Variants in PNPLA8 observed in about 807,000 individuals in gnomAD.
PNPLA8 encodes the protein patatin like domain 8, phospholipase A2.
PNPLA8 carries 39 observed loss-of-function variants against 76.9 expected under a neutral mutation model. That is an observed-to-expected ratio of 0.51 (90% CI 0.39 to 0.66). PNPLA8 has a LOEUF of 0.66. Ranked by LOEUF, PNPLA8 falls within the 30% of genes least tolerant of loss-of-function variation. The pLI is 0.00. For synonymous variants in PNPLA8, 301 were observed against 307.9 expected (o/e 0.98, Z 0.24); for missense variants, 887 against 918.0 (o/e 0.97, Z 0.44).
At chr7:108,511,491 G>A (rs1355305361) in intron 4 of PNPLA8, among the ~76,000 whole-genome samples, 3 of 152,144 alleles carry the variant, frequency 2.0e-5, no homozygotes, top group African/African-American at 7.2e-5. Context: ...TTAAATTCCA[G>A]TGTTCAGGAA....
rs1862850877 is a variant in PNPLA8, at chr7:108,510,667, T to C, written c.1206+3477A>G. The C allele has an allele frequency of 1.9e-6, 3 of 1,596,290 alleles. No individual in the cohort carries two copies. The Admixed American group carries it at 5.0e-5, about 27-fold the overall frequency. Reference sequence around the variant, plus strand: ...CATATATTGCATGGGGGTACCCCAATCTGAAGTCAGTAAATGAACTAATCT... The same window carrying C: ...CATATATTGCATGGGGGTACCCCAACCTGAAGTCAGTAAATGAACTAATCT... On this transcript the variant is annotated intron_variant, in intron 4 of 10. Coordinates refer to ENST00000257694, the MANE Select transcript of PNPLA8 (RefSeq NM_001256007.3).
At position 108,472,581 on chromosome 7, in the gene PNPLA8, T is replaced by A; in HGVS notation, c.2169A>T (p.Arg723=). The change falls in exon 11 of 11, where the codon CGA becomes CGT. Residue 723 remains arginine (R), a synonymous_variant. Coordinates refer to ENST00000257694, the MANE Select transcript of PNPLA8 (RefSeq NM_001256007.3). ...MCENIPLDES[R]NEKLDQLQLE... ...ACTGCAGCTGATCCAGCTTTTCATT[T>A]CGACTTTCATCTAGAGGTATGTTTT... The A allele has an allele frequency of 6.2e-7, 1 of 1,613,220 alleles. No individual in the cohort carries two copies. The highest frequency in any genetic ancestry group is 1.3e-5 in the African/African-American group (1 of 74,984).
At chr7:108,504,377 A>G (rs1862185894) in intron 4 of PNPLA8, among the ~76,000 whole-genome samples, 1 of 152,236 alleles carries the variant, frequency 6.6e-6, no homozygotes, top group Non-Finnish European at 1.5e-5. Context: ...AATTATCAAA[A>G]TATATCAGAT....
At chr7:108,510,327 T>C (rs1862819067) in intron 4 of PNPLA8, 12 of 1,586,680 alleles carry the variant, frequency 7.6e-6, no homozygotes, top group South Asian at 1.1e-5. Flanking sequence ...ATGAAGCGCC[T>C]GAGAAAGAAG....
chr7:108,506,335 A>G (rs1284399331), intron 4 of PNPLA8, among the ~76,000 whole-genome samples: 2 of 152,076 alleles, frequency 1.3e-5, no homozygotes, highest in African/African-American at 4.8e-5. Context: ...CCGAGATCGC[A>G]CCACTGCACT....
chr7:108,497,635 G>T (rs1861640787), intron 5 of PNPLA8, 58 bp from the exon 6 acceptor site: 1 of 946,984 alleles, frequency 1.1e-6, no homozygotes, highest in South Asian at 1.9e-5. Flanking sequence ...AATAATTTAA[G>T]CTGTTGAATA....
At chr7:108,475,724 A>G (rs1176651092) in intron 10 of PNPLA8, among the ~76,000 whole-genome samples, 1 of 152,078 alleles carries the variant, frequency 6.6e-6, no homozygotes. Flanking sequence ...TTCTGGTGCT[A>G]TAGAATAGAA....
chr7:108,525,535 A>G (rs1236377720), intron 1 of PNPLA8, among the ~76,000 whole-genome samples: 1 of 152,218 alleles, frequency 6.6e-6, no homozygotes, highest in Non-Finnish European at 1.5e-5. Context: ...CACTTAAGCA[A>G]CAGCGGTCAA....
At chr7:108,472,967 T>C (rs1180290298) in intron 10 of PNPLA8, among the ~76,000 whole-genome samples, 3 of 152,186 alleles carry the variant, frequency 2.0e-5, no homozygotes, top group African/African-American at 7.2e-5. Flanking sequence ...TTTCCAACTT[T>C]CCTTTTTTTT....
Position 108,479,243 on chromosome 7 carries a change from G to T in PNPLA8, c.2015C>A (p.Thr672Lys). The T allele has an allele frequency of 6.2e-7, 1 of 1,613,466 alleles. No individual in the cohort carries two copies. Among genetic ancestry groups the T allele is most frequent in the South Asian group, 1.1e-5 (1 of 91,064 alleles). Residue 672 changes from threonine to lysine, a missense_variant, in exon 10 of 11, where the codon ACA becomes AAA. By Grantham distance (78) the Thr-to-Lys change is moderately conservative (BLOSUM62 -1). Transcript: ENST00000257694. ...AAGTTTAGTTTTCAAGCTTGTGTAT[G>T]TTACCGTGTTTCTCACATCACTCTC... is the stretch of plus-strand genomic sequence containing the variant. The part of the protein sequence containing the change: ...RYESDVRNTV[T>K]YTSLKTKLSN...
intron 10 of PNPLA8, among the ~76,000 whole-genome samples, chr7:108,473,960 G>A (rs987957814): frequency 3.9e-5 from 6 of 152,010 alleles, no homozygotes; most frequent in African/African-American, 1.4e-4. Context: ...CCAAAGTGCT[G>A]GGATTACAGG....
chr7:108,491,856 G>C (rs2154515370), intron 7 of PNPLA8, among the ~76,000 whole-genome samples: 1 of 152,324 alleles, frequency 6.6e-6, no homozygotes, highest in Non-Finnish European at 1.5e-5. Flanking sequence ...CCTGCCAATA[G>C]GATAAAGGAG....
chr7:108,513,201 C>T (rs1036529900), intron 4 of PNPLA8, among the ~76,000 whole-genome samples: 1 of 152,056 alleles, frequency 6.6e-6, no homozygotes, highest in Non-Finnish European at 1.5e-5. Context: ...TCTTTGCTTT[C>T]AGTATATCAC....
At chr7:108,495,543 T>C (rs1318465856) in intron 7 of PNPLA8, among the ~76,000 whole-genome samples, 3 of 152,190 alleles carry the variant, frequency 2.0e-5, no homozygotes, top group African/African-American at 7.2e-5. Flanking sequence ...AGTGGGATTA[T>C]AAATTATTTT....
upstream of PNPLA8, chr7:108,526,356 GT>G (rs1864088052): frequency 2.1e-4 from 3 of 14,406 alleles, no homozygotes; most frequent in African/African-American, 7.0e-4. Context: ...ACGTGTGTGC[GT>G]GCGTGCGTGC....
chr7:108,520,074 C>A (rs1400158469), intron 2 of PNPLA8, among the ~76,000 whole-genome samples: 1 of 152,144 alleles, frequency 6.6e-6, no homozygotes, highest in African/African-American at 2.4e-5. Flanking sequence ...AGTATGTGGG[C>A]CCCACTGGGA....
chr7:108,517,250 G>T (rs1161554189), intron 2 of PNPLA8, among the ~76,000 whole-genome samples: 2 of 152,138 alleles, frequency 1.3e-5, no homozygotes, highest in African/African-American at 4.8e-5. Context: ...AGAACATTGA[G>T]AACACTAAAT....
Position 108,472,645 on chromosome 7 carries a change from G to C in PNPLA8, c.2105C>G (p.Pro702Arg). The C allele has an allele frequency of 6.3e-7, 1 of 1,591,964 alleles. No homozygotes were observed. The highest frequency in any genetic ancestry group is 8.5e-7 in the Non-Finnish European group (1 of 1,173,876). Residue 702 changes from proline to arginine, a missense_variant, in exon 11 of 11, where the codon CCT becomes CGT. Pro to Arg is a moderately radical substitution (Grantham distance 103). Transcript: ENST00000257694. ...ATTGAATCTAAAATAGGTGTCAGGA[G>C]GTAACAGGCCATCAAGCATTATATG... ...EVHIMLDGLL[P>R]PDTYFRFNPV...
chr7:108,521,888 G>A (rs747224630), intron 1 of PNPLA8, among the ~76,000 whole-genome samples: 1 of 152,198 alleles, frequency 6.6e-6, no homozygotes, highest in Non-Finnish European at 1.5e-5. Flanking sequence ...TCTTGGCCAA[G>A]GGCATTCCAG....
Sources: gnomAD v4.1 joint callset for allele counts (sites outside exome capture counted in the v4.1 genomes callset) on GRCh38, gnomAD v4.1.1 for gene constraint, MANE v1.5 for transcripts, NCBI Gene and HGNC (gene_info 2026-07-23, HGNC 2026-07-21) for gene names.